BICC1: variants seen among roughly 807,000 people sequenced by gnomAD.
The protein encoded by BICC1 is BicC family RNA binding protein 1.
In BICC1, 43 loss-of-function variants were observed where a neutral mutation model predicts 111.0. The ratio of observed to expected loss-of-function variants is 0.39; its 90% CI spans 0.30 to 0.50. The LOEUF (loss-of-function observed/expected upper bound fraction) is 0.50. Ranked by LOEUF, BICC1 falls within the 20% of genes least tolerant of loss-of-function variation. The pLI is 0.88. For synonymous variants in BICC1, 467 were observed against 434.4 expected (o/e 1.07, Z -0.93); for missense variants, 1,091 against 1,203.2 (o/e 0.91, Z 1.38).
intron 1 of BICC1, among the ~76,000 whole-genome samples, chr10:58,601,034 C>G (rs2132071559): frequency 6.6e-6 from 1 of 150,606 alleles, no homozygotes; most frequent in Middle Eastern, 3.5e-3. Context: ...CTTTTTTTCT[C>G]ACAAATGGAT....
chr10:58,570,235 A>G (rs1250171867), intron 1 of BICC1, among the ~76,000 whole-genome samples: 3 of 152,198 alleles, frequency 2.0e-5, no homozygotes, highest in Non-Finnish European at 4.4e-5. Context: ...TTCGTTGGGA[A>G]ATTTATTTAA....
chr10:58,751,997 C>T (rs1404415202), intron 3 of BICC1, among the ~76,000 whole-genome samples: 1 of 152,166 alleles, frequency 6.6e-6, no homozygotes, highest in African/African-American at 2.4e-5. Context: ...ACCTTCTCTA[C>T]ATTATACCTC....
intron 3 of BICC1, among the ~76,000 whole-genome samples, chr10:58,728,350 C>T (rs756598402): frequency 6.6e-6 from 1 of 152,074 alleles, no homozygotes; most frequent in Non-Finnish European, 1.5e-5. Flanking sequence ...GACAAAGAAC[C>T]CATGTTCTTT....
At chr10:58,805,539 T>C (rs1843685257) in intron 15 of BICC1, among the ~76,000 whole-genome samples, 1 of 152,230 alleles carries the variant, frequency 6.6e-6, no homozygotes, top group Admixed American at 6.5e-5. Context: ...TCATCAAAAA[T>C]ATTATCTAAA....
chr10:58,646,537 A>G (rs1432352517), intron 2 of BICC1, among the ~76,000 whole-genome samples: 1 of 152,186 alleles, frequency 6.6e-6, no homozygotes, highest in Non-Finnish European at 1.5e-5. Flanking sequence ...AAATGAGGGT[A>G]TGGATTTCCT....
chr10:58,802,290 CCT>C (rs1843572023), intron 14 of BICC1, among the ~76,000 whole-genome samples: 1 of 152,132 alleles, frequency 6.6e-6, no homozygotes, highest in African/African-American at 2.4e-5. Flanking sequence ...GTTCATTGTC[CCT>C]CTTTTTGTAT....
intron 1 of BICC1, among the ~76,000 whole-genome samples, chr10:58,566,600 C>T (rs1843772498): frequency 6.6e-6 from 1 of 152,096 alleles, no homozygotes; most frequent in Admixed American, 6.6e-5. Flanking sequence ...AGTGGTTGTG[C>T]TAGTTTAAAT....
chr10:58,687,593 C>T (rs1175758034), intron 2 of BICC1, among the ~76,000 whole-genome samples: 1 of 152,176 alleles, frequency 6.6e-6, no homozygotes, highest in Admixed American at 6.5e-5. Flanking sequence ...CCCAGCCTCG[C>T]TGCCACCTTG....
intron 1 of BICC1, among the ~76,000 whole-genome samples, chr10:58,603,616 T>G (rs995210100): frequency 5.9e-5 from 9 of 152,214 alleles, no homozygotes; most frequent in African/African-American, 2.2e-4. Flanking sequence ...TGTGGTATAG[T>G]TAAATGTATT....
At chr10:58,738,779 A>G (rs1398787805) in intron 3 of BICC1, among the ~76,000 whole-genome samples, 1 of 151,740 alleles carries the variant, frequency 6.6e-6, no homozygotes, top group Non-Finnish European at 1.5e-5. Flanking sequence ...AGTGGTTTGT[A>G]GTTCTCCTTG....
chr10:58,760,892 A>G (rs540013555), intron 3 of BICC1, among the ~76,000 whole-genome samples: 2 of 152,314 alleles, frequency 1.3e-5, no homozygotes, highest in East Asian at 1.9e-4. Context: ...AAACAGAGCT[A>G]TGAAATATTT....
intron 3 of BICC1, among the ~76,000 whole-genome samples, chr10:58,744,737 C>G (rs1347447686): frequency 1.3e-5 from 2 of 152,082 alleles, no homozygotes; most frequent in African/African-American, 2.4e-5. Flanking sequence ...TCAGATGTCT[C>G]TCTCTGATAT....
chr10:58,764,664 A>G (rs1471448879), intron 3 of BICC1, among the ~76,000 whole-genome samples: 2 of 134,120 alleles, frequency 1.5e-5, no homozygotes, highest in East Asian at 4.3e-4. Context: ...TAGGCTTGAC[A>G]TTTTCCACTT....
At chr10:58,719,529 C>T (rs190605179) in intron 3 of BICC1, among the ~76,000 whole-genome samples, 46 of 151,196 alleles carry the variant, frequency 3.0e-4, no homozygotes, top group Admixed American at 2.0e-4. Context: ...TTTTTTGAGA[C>T]GGAGTCTCGC....
At position 58,567,292 on chromosome 10, in the gene BICC1, G is replaced by A. The variant is rs553024540; in HGVS notation, c.191-53563G>A. 7.2e-5 allele frequency among the ~76,000 whole-genome samples: 11 copies of A among 152,210 alleles called. No homozygotes were observed. The South Asian group carries it at 2.3e-3, about 32-fold the overall frequency. ...CCAGACCTGAGGTTTTAGTGTACATGTCATTAATCAGCCTCTCCCATAAGC... is the reference window on the plus strand; with the variant it reads ...CCAGACCTGAGGTTTTAGTGTACATATCATTAATCAGCCTCTCCCATAAGC... On this transcript the variant is annotated intron_variant, in intron 1 of 20. Transcript: ENST00000373886.
chr10:58,629,104 A>T (rs1837717012), intron 2 of BICC1, among the ~76,000 whole-genome samples: 1 of 152,206 alleles, frequency 6.6e-6, no homozygotes, highest in African/African-American at 2.4e-5. Context: ...TCCTTGAGTT[A>T]GCTGGGGGAA....
chr10:58,810,040 A>G (rs936789812), intron 17 of BICC1, among the ~76,000 whole-genome samples: 1 of 152,230 alleles, frequency 6.6e-6, no homozygotes, highest in African/African-American at 2.4e-5. Flanking sequence ...AGGACCAGGT[A>G]TCTATTTGTG....
chr10:58,532,577 T>A (rs543465994), intron 1 of BICC1, among the ~76,000 whole-genome samples: 7 of 151,880 alleles, frequency 4.6e-5, no homozygotes, highest in African/African-American at 7.2e-5. Flanking sequence ...GAGATGATGA[T>A]GAAGATGAGG....
chr10:58,757,235 ATGT>A (rs1842173152), intron 3 of BICC1, among the ~76,000 whole-genome samples: 1 of 152,188 alleles, frequency 6.6e-6, no homozygotes, highest in South Asian at 2.1e-4. Context: ...CTTTTATATA[ATGT>A]TCTGTGGATT....
Sources: allele counts gnomAD v4.1 joint callset (sites outside exome capture counted in the v4.1 genomes callset), GRCh38; gene constraint gnomAD v4.1.1; transcripts MANE v1.5; gene names NCBI Gene and HGNC (gene_info 2026-07-23, HGNC 2026-07-21).